Variants in STXBP5L observed in about 807,000 individuals in gnomAD.
STXBP5L encodes the protein syntaxin binding protein 5L.
In STXBP5L, 65 loss-of-function variants were observed where a neutral mutation model predicts 144.5. The observed-to-expected ratio is 0.45, with a 90% confidence interval of 0.37 to 0.55. The LOEUF (loss-of-function observed/expected upper bound fraction) is 0.55, where lower values mean the gene tolerates loss of function less well. Among genes scored for constraint, STXBP5L ranks in the 20% least tolerant of loss-of-function variants. STXBP5L has a pLI of 0.00. For synonymous variants in STXBP5L, 505 were observed against 469.6 expected (o/e 1.08, Z -0.97); for missense variants, 1,298 against 1,405.5 (o/e 0.92, Z 1.22).
intron 9 of STXBP5L, among the ~76,000 whole-genome samples, chr3:121,161,358 C>T (rs1250495343): frequency 6.6e-6 from 1 of 151,388 alleles, no homozygotes; most frequent in East Asian, 1.9e-4. Context: ...TTTACATGAT[C>T]TTCTGCCTTC....
At chr3:121,273,978 C>T (rs901884694) in intron 18 of STXBP5L, among the ~76,000 whole-genome samples, 1 of 152,040 alleles carries the variant, frequency 6.6e-6, no homozygotes, top group African/African-American at 2.4e-5. Context: ...TTGTGTCTTG[C>T]TCAGCTTGAG....
Position 121,144,038 on chromosome 3 carries a change from C to T in STXBP5L, c.670-8439C>T, listed in dbSNP as rs897642026. On this transcript the variant is annotated intron_variant, in intron 7 of 26. Coordinates refer to ENST00000471454, the MANE Select transcript of STXBP5L (RefSeq NM_001308330.2). ...GCATAGCAAAAGAAACAATCAGCAG[C>T]GTGAAAACACAATGTAGAGAATAGG... 4.6e-5 allele frequency among the ~76,000 whole-genome samples: 7 copies of T among 150,592 alleles called. No individual in the cohort carries two copies. The East Asian group carries it at 5.8e-4, about 13-fold the overall frequency.
intron 9 of STXBP5L, among the ~76,000 whole-genome samples, chr3:121,186,505 C>A (rs141249450): frequency 7.7e-4 from 117 of 151,260 alleles, no homozygotes; most frequent in Non-Finnish European, 1.3e-3. Flanking sequence ...TAGCATGAAG[C>A]ATTGTTGAAT....
intron 5 of STXBP5L, among the ~76,000 whole-genome samples, chr3:121,110,320 A>C (rs904354384): frequency 6.6e-6 from 1 of 152,012 alleles, no homozygotes; most frequent in African/African-American, 2.4e-5. Flanking sequence ...TTTGTACTTC[A>C]GTGTGGTTTT....
intron 3 of STXBP5L, among the ~76,000 whole-genome samples, chr3:120,971,997 C>T (rs73185498): frequency 0.04 from 6,045 of 151,910 alleles, 168 homozygotes; most frequent in Middle Eastern, 0.082. Context: ...CTGTGACAAA[C>T]GGGGAATGTG....
At position 121,046,291 on chromosome 3, in the gene STXBP5L, C is replaced by T. The variant is rs899145890; in HGVS notation, c.470+756C>T. ...AGTATTTTGTTGAGAATTTTTACAT[C>T]TGTGTTCATCAAGGATATTGGCCTG... On this transcript the variant is annotated intron_variant, in intron 5 of 26. Coordinates refer to ENST00000471454, the MANE Select transcript of STXBP5L (RefSeq NM_001308330.2). Among the ~76,000 whole-genome samples, 13 of 152,234 alleles carry T rather than the reference C, an allele frequency of 8.5e-5. No individual in the cohort carries two copies. The East Asian group carries it at 1.9e-3, about 23-fold the overall frequency.
chr3:121,314,975 T>C (rs2043730011), intron 19 of STXBP5L, among the ~76,000 whole-genome samples: 1 of 152,034 alleles, frequency 6.6e-6, no homozygotes, highest in African/African-American at 2.4e-5. Flanking sequence ...CATTAAAAAG[T>C]CAGGAAACAA....
chr3:121,339,117 AAC>A (rs550023040), intron 20 of STXBP5L, among the ~76,000 whole-genome samples: 1 of 152,162 alleles, frequency 6.6e-6, no homozygotes, highest in Non-Finnish European at 1.5e-5. Flanking sequence ...AAAACAAAAA[AAC>A]ACAAAATGAC....
chr3:121,178,099 A>G (rs560424294), intron 9 of STXBP5L, among the ~76,000 whole-genome samples: 4 of 152,280 alleles, frequency 2.6e-5, no homozygotes, highest in African/African-American at 9.6e-5. Flanking sequence ...AAAAAGGAGA[A>G]TGGTGGTTGC....
intron 1 of STXBP5L, among the ~76,000 whole-genome samples, chr3:120,908,947 C>T (rs1034243781): frequency 3.0e-4 from 45 of 151,934 alleles, no homozygotes; most frequent in African/African-American, 1.0e-3. Flanking sequence ...GCAGCTGTTG[C>T]TGTGGGTCAC....
In STXBP5L at chr3:121,419,359, G is replaced by C; in HGVS notation, c.*262G>C. On this transcript the variant is annotated 3_prime_UTR_variant, in exon 27 of 27. Transcript: ENST00000471454. The stretch of plus-strand genomic sequence containing the variant: ...ATCATCTTGGCATGTCATTCGATAA[G>C]GATTTATATTTAGTAACTACGGGGA... 2.9e-6 allele frequency: 1 copy of C among 343,302 alleles called. No homozygotes were observed. Among genetic ancestry groups the C allele is most frequent in the Non-Finnish European group, 5.2e-6 (1 of 191,970 alleles). The allele number at this position is 343,302 out of a possible 1,614,324, so 21.3% of individuals were successfully genotyped here.
intron 20 of STXBP5L, among the ~76,000 whole-genome samples, chr3:121,355,363 T>A (rs1266776848): frequency 1.3e-5 from 2 of 152,206 alleles, no homozygotes; most frequent in African/African-American, 2.4e-5. Context: ...AGTCCCATAT[T>A]TCTTGGAGGC....
intron 3 of STXBP5L, among the ~76,000 whole-genome samples, chr3:121,017,449 G>C (rs779394319): frequency 2.6e-5 from 4 of 152,178 alleles, no homozygotes; most frequent in African/African-American, 9.6e-5. Flanking sequence ...AATACAGTAA[G>C]ATCAGAAAAG....
At chr3:120,948,514 T>G (rs1282476968) in intron 2 of STXBP5L, among the ~76,000 whole-genome samples, 3 of 151,878 alleles carry the variant, frequency 2.0e-5, no homozygotes, top group Non-Finnish European at 2.9e-5. Context: ...ACCTGAGCAG[T>G]GTACACTGTA....
chr3:120,925,352 C>T (rs530488491), intron 2 of STXBP5L, among the ~76,000 whole-genome samples: 9 of 152,102 alleles, frequency 5.9e-5, no homozygotes, highest in East Asian at 1.9e-4. Flanking sequence ...GTGTTGGGTG[C>T]GTTGTTATTT....
At chr3:121,127,813 C>T (rs559447330) in intron 7 of STXBP5L, among the ~76,000 whole-genome samples, 125 of 152,042 alleles carry the variant, frequency 8.2e-4, no homozygotes, top group African/African-American at 2.9e-3. Flanking sequence ...CCCCCAATTT[C>T]CTCAAACACT....
At chr3:121,062,372 G>C (rs2041327149) in intron 5 of STXBP5L, among the ~76,000 whole-genome samples, 1 of 152,172 alleles carries the variant, frequency 6.6e-6, no homozygotes, top group African/African-American at 2.4e-5. Context: ...CTGTTAGTCT[G>C]ATGGGCTTCC....
chr3:121,131,209 A>T (rs1450920358), intron 7 of STXBP5L, among the ~76,000 whole-genome samples: 1 of 152,160 alleles, frequency 6.6e-6, no homozygotes. Flanking sequence ...AGGAAATCAT[A>T]CTAAAACTAA....
intron 20 of STXBP5L, among the ~76,000 whole-genome samples, chr3:121,362,360 C>A (rs2045736419): frequency 6.6e-6 from 1 of 152,198 alleles, no homozygotes; most frequent in South Asian, 2.1e-4. Context: ...AGGCTTGTGT[C>A]CTTCTCTTCA....
Sources: gnomAD v4.1 joint callset for allele counts (sites outside exome capture counted in the v4.1 genomes callset) on GRCh38, gnomAD v4.1.1 for gene constraint, MANE v1.5 for transcripts, NCBI Gene and HGNC (gene_info 2026-07-23, HGNC 2026-07-21) for gene names.